MAML2: variants seen among roughly 807,000 people sequenced by gnomAD.
The protein encoded by MAML2 is mastermind-like protein 2.
Under a neutral mutation model 96.1 loss-of-function variants are expected in MAML2, and 22 were observed. The observed-to-expected ratio is 0.23, with a 90% confidence interval of 0.16 to 0.33. The LOEUF (loss-of-function observed/expected upper bound fraction) is 0.33. Among genes scored for constraint, MAML2 ranks in the 10% least tolerant of loss-of-function variants. The probability of loss-of-function intolerance (pLI) is 1.00; values close to 1 mark genes in which losing one functional copy is unlikely to be tolerated. For missense variants in MAML2, 1,367 were observed against 1,392.4 expected (o/e 0.98, Z 0.29); for synonymous variants, 561 against 521.3 (o/e 1.08, Z -1.04).
At chr11:96,241,082 T>C (rs538286158) in intron 1 of MAML2, among the ~76,000 whole-genome samples, 1 of 152,344 alleles carries the variant, frequency 6.6e-6, no homozygotes, top group East Asian at 1.9e-4. Flanking sequence ...GATTCTGCAA[T>C]TATTTTTTGA....
At position 95,977,827 on chromosome 11, in the gene MAML2, A is replaced by G. The variant is rs2135695694; in HGVS notation, c.*1121T>C. The G allele has an allele frequency of 4.4e-6, 1 of 226,454 alleles. No individual in the cohort carries two copies. The highest frequency in any genetic ancestry group is 1.3e-3 in the Middle Eastern group (1 of 752). The allele number at this position is 226,454 out of a possible 1,614,324, so 14.0% of individuals were successfully genotyped here. On this transcript the variant is annotated 3_prime_UTR_variant, in exon 5 of 5. Transcript: ENST00000524717. ...TGTTGCTCACCCAAATCCAAATAATACGTCCAATGAAGGACAAATTGTTTT... is the reference window on the plus strand; with the variant it reads ...TGTTGCTCACCCAAATCCAAATAATGCGTCCAATGAAGGACAAATTGTTTT...
intron 2 of MAML2, among the ~76,000 whole-genome samples, chr11:96,083,156 C>T (rs1358809658): frequency 6.6e-6 from 1 of 152,176 alleles, no homozygotes; most frequent in Non-Finnish European, 1.5e-5. Flanking sequence ...TAGGAGCTGC[C>T]CCCCTCCAGT....
At chr11:96,142,623 G>A (rs1274229305) in intron 1 of MAML2, among the ~76,000 whole-genome samples, 1 of 152,132 alleles carries the variant, frequency 6.6e-6, no homozygotes, top group African/African-American at 2.4e-5. Flanking sequence ...CACTTTGAAA[G>A]TCCTTTTATA....
intron 2 of MAML2, among the ~76,000 whole-genome samples, chr11:96,070,977 G>A (rs1302761991): frequency 6.6e-6 from 1 of 152,230 alleles, no homozygotes; most frequent in Non-Finnish European, 1.5e-5. Context: ...TGTTACTTCA[G>A]CATCTCTTGT....
At chr11:96,331,837 T>C (rs907970905) in intron 1 of MAML2, among the ~76,000 whole-genome samples, 3 of 148,748 alleles carry the variant, frequency 2.0e-5, no homozygotes, top group Admixed American at 6.7e-5. Flanking sequence ...AAAAAAAAGC[T>C]TTAATTTCTT....
intron 1 of MAML2, among the ~76,000 whole-genome samples, chr11:96,316,027 A>C (rs1450122451): frequency 6.6e-6 from 1 of 152,180 alleles, no homozygotes; most frequent in Admixed American, 6.5e-5. Flanking sequence ...TTTTCTGAAA[A>C]ACAGAATGAG....
intron 2 of MAML2, among the ~76,000 whole-genome samples, chr11:96,015,726 T>C (rs1858340823): frequency 6.6e-6 from 1 of 152,226 alleles, no homozygotes; most frequent in East Asian, 1.9e-4. Flanking sequence ...CATTAGATAC[T>C]AAGAATATGA....
In MAML2 at chr11:96,239,631, C is replaced by G. The variant is rs143776100; in HGVS notation, c.513+101752G>C. On this transcript the variant is annotated intron_variant, in intron 1 of 4. Transcript: ENST00000524717. ...AAGAAAAAAAAAAGTAGAAAGAAAC[C>G]TTGGTTTCAAATTTGGGGGCTACCA... Among the ~76,000 whole-genome samples, 25 of 152,084 alleles carry G rather than the reference C, an allele frequency of 1.6e-4. No individual in the cohort carries two copies. In the East Asian group the frequency reaches 4.6e-3, roughly 28 times the overall value.
Position 96,240,557 on chromosome 11 carries a change from C to CAACAAAAAAAA in MAML2, c.513+100825_513+100826insTTTTTTTTGTT, listed in dbSNP as rs568304250. Among the ~76,000 whole-genome samples the CAACAAAAAAAA allele has an allele frequency of 1.1e-3, 54 of 51,094 alleles. 5 individuals are homozygous for CAACAAAAAAAA. The highest frequency in any genetic ancestry group is 2.7e-3 in the East Asian group (4 of 1,502). The allele number at this position is 51,094 out of a possible 152,430, so 33.5% of individuals were successfully genotyped here. A position where few individuals can be genotyped will look rare whatever the true frequency, so the allele number is the denominator to read the frequency against. On this transcript the variant is annotated intron_variant, in intron 1 of 4. Coordinates refer to ENST00000524717, the MANE Select transcript of MAML2 (RefSeq NM_032427.4). ...TGGGCGACAGAGCGAGACTCCGTCT[C>CAACAAAAAAAA]AAAAAAAAAAAAAAAAAAAAAAAAA...
intron 2 of MAML2, among the ~76,000 whole-genome samples, chr11:96,046,574 T>C (rs1748389119): frequency 6.6e-6 from 1 of 152,180 alleles, no homozygotes; most frequent in African/African-American, 2.4e-5. Flanking sequence ...ACATTCTGAA[T>C]ACACAGGACA....
At chr11:96,303,482 G>A (rs548553373) in intron 1 of MAML2, among the ~76,000 whole-genome samples, 1 of 152,244 alleles carries the variant, frequency 6.6e-6, no homozygotes, top group Admixed American at 6.5e-5. Context: ...GAGTTCTGAG[G>A]TAAGTATATA....
At chr11:96,223,413 A>G (rs1862168323) in intron 1 of MAML2, among the ~76,000 whole-genome samples, 1 of 152,194 alleles carries the variant, frequency 6.6e-6, no homozygotes, top group Non-Finnish European at 1.5e-5. Flanking sequence ...TAGAAAGACA[A>G]AGCATATTTT....
intron 2 of MAML2, among the ~76,000 whole-genome samples, chr11:96,001,249 G>A (rs1398452372): frequency 1.3e-5 from 2 of 152,188 alleles, no homozygotes; most frequent in East Asian, 3.8e-4. Flanking sequence ...AGTTCCATGA[G>A]TGAGAAAGCA....
chr11:96,168,456 G>A lies in MAML2; in HGVS notation c.514-74939C>T, dbSNP rs12287242. On this transcript the variant is annotated intron_variant, in intron 1 of 4. Coordinates refer to ENST00000524717, the MANE Select transcript of MAML2 (RefSeq NM_032427.4). ...GGAGAGATGAAGTCCAGGCAGCCCA[G>A]GGCAGTGGCTCTCAGGCTTTAGTGT... is the stretch of plus-strand genomic sequence containing the variant. 7.0e-3 allele frequency among the ~76,000 whole-genome samples: 1,065 copies of A among 152,288 alleles called. 16 individuals are homozygous for A. Among genetic ancestry groups the A allele is most frequent in the African/African-American group, 0.024 (1,009 of 41,544 alleles).
Position 96,277,720 on chromosome 11 carries a change from A to G in MAML2, c.513+63663T>C, listed in dbSNP as rs180793587. 3.9e-4 allele frequency among the ~76,000 whole-genome samples: 58 copies of G among 149,918 alleles called. No homozygotes were observed. The East Asian group carries it at 9.2e-3, about 24-fold the overall frequency. ...GCCACTGCACTCCAGCCTGGGCAAC[A>G]GACACTCTGCCTCAAAAAAAAAAAA... On this transcript the variant is annotated intron_variant, in intron 1 of 4. Coordinates refer to ENST00000524717, the MANE Select transcript of MAML2 (RefSeq NM_032427.4).
intron 2 of MAML2, among the ~76,000 whole-genome samples, chr11:96,020,928 TTTAGTC>T (rs1858425713): frequency 6.6e-6 from 1 of 152,160 alleles, no homozygotes; most frequent in Admixed American, 6.5e-5. Flanking sequence ...CTCTTTGAAG[TTTAGTC>T]TCAAAAGAGT....
intron 1 of MAML2, among the ~76,000 whole-genome samples, chr11:96,253,071 G>A (rs987392034): frequency 2.0e-5 from 3 of 152,016 alleles, no homozygotes; most frequent in Admixed American, 6.5e-5. Flanking sequence ...AATCCCCCTC[G>A]CACAGAAATA....
At chr11:96,188,591 A>G (rs1042784233) in intron 1 of MAML2, among the ~76,000 whole-genome samples, 1 of 152,236 alleles carries the variant, frequency 6.6e-6, no homozygotes, top group Non-Finnish European at 1.5e-5. Context: ...ATCTTTTTGA[A>G]AACGTTAAGT....
chr11:96,114,272 T>A (rs1860195473), intron 1 of MAML2, among the ~76,000 whole-genome samples: 1 of 152,214 alleles, frequency 6.6e-6, no homozygotes, highest in Non-Finnish European at 1.5e-5. Context: ...TGGTTCAGAC[T>A]TTGCTATGGG....
Sources: allele counts gnomAD v4.1 joint callset (sites outside exome capture counted in the v4.1 genomes callset), GRCh38; gene constraint gnomAD v4.1.1; transcripts MANE v1.5; gene names NCBI Gene and HGNC (gene_info 2026-07-23, HGNC 2026-07-21).